CABP7: variants seen among roughly 807,000 people sequenced by gnomAD.
CABP7 encodes calcium-binding protein 7.
Under a neutral mutation model 23.1 loss-of-function variants are expected in CABP7, and 13 were observed. The ratio of observed to expected loss-of-function variants is 0.56; its 90% CI spans 0.37 to 0.90. CABP7 has a LOEUF of 0.90. Among genes scored for constraint, CABP7 ranks in the 40% least tolerant of loss-of-function variants. The pLI is 0.01. For missense variants in CABP7, 248 were observed against 295.6 expected (o/e 0.84, Z 1.18); for synonymous variants, 123 against 115.3 (o/e 1.07, Z -0.43).
Position 29,727,741 on chromosome 22 carries a change from C to A in CABP7, c.189C>A (p.Arg63=), listed in dbSNP as rs752368695. ...AGCAGGAGCTGGGCACAGCCATGCGCTCACTGGGTTACATGCCCAACGAGG... is the reference window on the plus strand; with the variant it reads ...AGCAGGAGCTGGGCACAGCCATGCGATCACTGGGTTACATGCCCAACGAGG... The part of the protein sequence containing the change: ...ISKQELGTAM[R]SLGYMPNEVE... Residue 63 remains arginine, a synonymous_variant, in exon 2 of 5, where the codon CGC becomes CGA. Transcript: ENST00000216144. This position sits in a 1 kb window ranked among gnomAD's most constrained non-coding sequence, Gnocchi z 4.2. The A allele has an allele frequency of 1.2e-6, 2 of 1,613,618 alleles. No homozygotes were observed. The highest frequency in any genetic ancestry group is 4.5e-5 in the East Asian group (2 of 44,870).
In CABP7 at chr22:29,720,517, G is replaced by A; in HGVS notation, c.93G>A (p.Pro31=). The change falls in exon 1 of 5, where the codon CCG becomes CCA. Residue 31 remains proline, a synonymous_variant. Coordinates refer to ENST00000216144, the MANE Select transcript of CABP7 (RefSeq NM_182527.3). The surrounding 1 kb of genome is among the most constrained non-coding windows in gnomAD (Gnocchi z 5.2). The part of the protein sequence containing the change: ...LLSEQRPVDI[P]EDELEEIREA... ...CGGAGCAGCGCCCGGTGGACATCCC[G>A]GAGGACGAGCTGGAGGGTGAGTGTC... 2 of 1,546,510 alleles carry A rather than the reference G, an allele frequency of 1.3e-6. No homozygotes were observed. The highest frequency in any genetic ancestry group is 1.7e-6 in the Non-Finnish European group (2 of 1,147,060).
rs2067813098 is a variant in CABP7 at position 29,728,635 on chromosome 22, G to A, written c.259G>A (p.Gly87Ser). Residue 87 changes from glycine to serine, a missense_variant, in exon 3 of 5, where the codon GGT becomes AGT. Gly to Ser is a moderately conservative substitution (Grantham distance 56). Coordinates refer to ENST00000216144, the MANE Select transcript of CABP7 (RefSeq NM_182527.3). ...TGGACCTGTGCCTCCACCAGGTGAT[G>A]GTCAAGTGGACTTTGAGGAGTTTGT... ...IIQRLDMDGDGQVDFEEFVTL... is the reference protein window; with the variant it reads ...IIQRLDMDGDSQVDFEEFVTL... 6.2e-7 allele frequency: 1 copy of A among 1,607,856 alleles called. No individual in the cohort carries two copies.
At position 29,731,667 on chromosome 22, in the gene CABP7, C is replaced by G; in HGVS notation, c.*2098C>G. The G allele has an allele frequency of 3.2e-6, 1 of 310,868 alleles. No individual in the cohort carries two copies. The highest frequency in any genetic ancestry group is 5.9e-6 in the Non-Finnish European group (1 of 169,718). The allele number at this position is 310,868 out of a possible 1,614,324, so 19.3% of individuals were successfully genotyped here. Reference sequence around the variant, plus strand: ...TCCACAGCAGAGAATGCCATGCGGCCTGTGTAAGAATTAAGGCAGATTTAT... The same window carrying G: ...TCCACAGCAGAGAATGCCATGCGGCGTGTGTAAGAATTAAGGCAGATTTAT... On this transcript the variant is annotated 3_prime_UTR_variant, in exon 5 of 5. Transcript: ENST00000216144.
rs139276243 is a variant in CABP7, at chr22:29,727,340, T to G, written c.110-322T>G. Among the ~76,000 whole-genome samples, 696 of 152,054 alleles carry G rather than the reference T, an allele frequency of 4.6e-3. 2 individuals are homozygous for G. The highest frequency in any genetic ancestry group is 0.016 in the African/African-American group (657 of 41,446). ...CCGCGGGGGCCGGGGAGATCCAGCA[T>G]CCTCCCCTGCACGTGGTCCCCACCA... On this transcript the variant is annotated intron_variant, in intron 1 of 4. Transcript: ENST00000216144. This position sits in a 1 kb window ranked among gnomAD's most constrained non-coding sequence, Gnocchi z 4.2.
chr22:29,729,578 TG>T lies in CABP7; in HGVS notation c.*11del. 1.9e-6 allele frequency: 3 copies of T among 1,608,164 alleles called. No individual in the cohort carries two copies. Among genetic ancestry groups the T allele is most frequent in the Non-Finnish European group, 2.5e-6 (3 of 1,179,756 alleles). The stretch of plus-strand genomic sequence containing the variant: ...GCAGTGGCATGAAGTAGACGCCACC[TG>T]GATGCCCCATCCACCGCATGCGGTG... On this transcript the variant is annotated 3_prime_UTR_variant, in exon 5 of 5. Transcript: ENST00000216144.
At position 29,731,004 on chromosome 22, in the gene CABP7, C is replaced by G. The variant is rs2067835919; in HGVS notation, c.*1435C>G. ...AACATTTGGAAGTTTTCTCCCCCAT[C>G]TTCTTAAGAAGCAGGGGGGCAGGTG... On this transcript the variant is annotated 3_prime_UTR_variant, in exon 5 of 5. Transcript: ENST00000216144. 9.4e-6 allele frequency: 4 copies of G among 426,996 alleles called. No individual in the cohort carries two copies. Among genetic ancestry groups the G allele is most frequent in the East Asian group, 3.6e-5 (1 of 27,636 alleles). The allele number at this position is 426,996 out of a possible 1,614,324, so 26.5% of individuals were successfully genotyped here.
chr22:29,727,634 G>A lies in CABP7; in HGVS notation c.110-28G>A, dbSNP rs376896063. 1 of 1,612,966 alleles carries A rather than the reference G, an allele frequency of 6.2e-7. No individual in the cohort carries two copies. Among genetic ancestry groups the A allele is most frequent in the African/African-American group, 1.3e-5 (1 of 74,904 alleles). On this transcript the variant is annotated intron_variant, in intron 1 of 4. Transcript: ENST00000216144. The surrounding 1 kb of genome is among the most constrained non-coding windows in gnomAD (Gnocchi z 4.2). ...GGGGTCTGTTGGGGACCGGGGTGAA[G>A]TCCCAGCCTACTCCATTCTCTCCTC...
At position 29,720,885 on chromosome 22, in the gene CABP7, C is replaced by T. The variant is rs991525026; in HGVS notation, c.109+352C>T. Among the ~76,000 whole-genome samples the T allele has an allele frequency of 1.3e-5, 2 of 151,688 alleles. No homozygotes were observed. On this transcript the variant is annotated intron_variant, in intron 1 of 4. Transcript: ENST00000216144. The surrounding 1 kb of genome is among the most constrained non-coding windows in gnomAD (Gnocchi z 5.2). The stretch of plus-strand genomic sequence containing the variant: ...CCGCGCTGAGCCCCCAGCGCCGGCC[C>T]GGCCGGAGCACCCGCATCCTGATCC...
In CABP7 at chr22:29,729,670, A is replaced by G; in HGVS notation, c.*101A>G. Reference sequence around the variant, plus strand: ...CCCTTGGCCGGCTCCCTGGGCCGCCATCTGCGTGTACTTCAGGGCCTGGGT... The same window carrying G: ...CCCTTGGCCGGCTCCCTGGGCCGCCGTCTGCGTGTACTTCAGGGCCTGGGT... On this transcript the variant is annotated 3_prime_UTR_variant, in exon 5 of 5. Transcript: ENST00000216144. The G allele has an allele frequency of 6.8e-7, 1 of 1,465,926 alleles. No homozygotes were observed. Among genetic ancestry groups the G allele is most frequent in the Non-Finnish European group, 9.2e-7 (1 of 1,081,376 alleles). The allele number at this position is 1,465,926 out of a possible 1,614,324, so 90.8% of individuals were successfully genotyped here.
chr22:29,728,932 A>G (rs748837681), intron 3 of CABP7, 123 bp from the exon 4 acceptor site: 1 of 1,301,104 alleles, frequency 7.7e-7, no homozygotes, highest in Non-Finnish European at 1.1e-6. Flanking sequence ...TCTCTGGGGG[A>G]ATGGAGCAAG....
At chr22:29,723,349 C>T (rs2067774957) in intron 1 of CABP7, among the ~76,000 whole-genome samples, 1 of 152,120 alleles carries the variant, frequency 6.6e-6, no homozygotes, top group African/African-American at 2.4e-5. Flanking sequence ...CACCCAGGCC[C>T]TGTGAGGGAC....
Position 29,731,520 on chromosome 22 carries a change from G to A in CABP7, c.*1951G>A, listed in dbSNP as rs1287119943. ...AAATAGGCAGACCGTTTGAGCCAGCGACCTCACCTCTAGGAACTGAGCCCA... is the reference window on the plus strand; with the variant it reads ...AAATAGGCAGACCGTTTGAGCCAGCAACCTCACCTCTAGGAACTGAGCCCA... On this transcript the variant is annotated 3_prime_UTR_variant, in exon 5 of 5. Coordinates refer to ENST00000216144, the MANE Select transcript of CABP7 (RefSeq NM_182527.3). The A allele has an allele frequency of 1.3e-5, 11 of 848,296 alleles. No homozygotes were observed. Among genetic ancestry groups the A allele is most frequent in the African/African-American group, 5.5e-5 (3 of 55,042 alleles). The allele number at this position is 848,296 out of a possible 1,614,324, so 52.5% of individuals were successfully genotyped here. A position where few individuals can be genotyped will look rare whatever the true frequency, so the allele number is the denominator to read the frequency against.
intron 1 of CABP7, among the ~76,000 whole-genome samples, chr22:29,723,028 T>G (rs1397094762): frequency 6.6e-6 from 1 of 152,150 alleles, no homozygotes; most frequent in East Asian, 1.9e-4. Flanking sequence ...TCTCTGAGCC[T>G]TGGTTTCCCC....
At position 29,728,857 on chromosome 22, in the gene CABP7, C is replaced by G. The variant is rs534399859; in HGVS notation, c.366+115C>G. 17 of 998,730 alleles carry G rather than the reference C, an allele frequency of 1.7e-5. No homozygotes were observed. In the Middle Eastern group the frequency reaches 1.3e-3, roughly 74 times the overall value. The allele number at this position is 998,730 out of a possible 1,614,324, so 61.9% of individuals were successfully genotyped here. On this transcript the variant is annotated intron_variant, in intron 3 of 4. Transcript: ENST00000216144. ...GGGGATGACCACTTCAGGCTTGTGT[C>G]CACTGGACATTTCACCTCTCAGAGG...
In CABP7 at chr22:29,729,612, C is replaced by T. The variant is rs1387336592; in HGVS notation, c.*43C>T. 1 of 1,597,946 alleles carries T rather than the reference C, an allele frequency of 6.3e-7. No homozygotes were observed. Among genetic ancestry groups the T allele is most frequent in the Non-Finnish European group, 8.5e-7 (1 of 1,177,034 alleles). On this transcript the variant is annotated 3_prime_UTR_variant, in exon 5 of 5. Coordinates refer to ENST00000216144, the MANE Select transcript of CABP7 (RefSeq NM_182527.3). ...CATCCACCGCATGCGGTGCCCGTGG[C>T]CCGCCCCACACCACCGCCGCCTGCA... is the stretch of plus-strand genomic sequence containing the variant.
At position 29,728,762 on chromosome 22, in the gene CABP7, G is replaced by T; in HGVS notation, c.366+20G>T. ...TGGAAGGTATCCCCTGGCTAGTTGG[G>T]ACCCAGGGCTGTGCACACTGTGGAG... On this transcript the variant is annotated intron_variant, in intron 3 of 4. Coordinates refer to ENST00000216144, the MANE Select transcript of CABP7 (RefSeq NM_182527.3). 6.5e-7 allele frequency: 1 copy of T among 1,534,244 alleles called. No homozygotes were observed. The highest frequency in any genetic ancestry group is 9.0e-7 in the Non-Finnish European group (1 of 1,107,908).
intron 2 of CABP7, among the ~76,000 whole-genome samples, chr22:29,728,215 C>T (rs771724406): frequency 1.3e-5 from 2 of 152,202 alleles, no homozygotes; most frequent in South Asian, 2.1e-4. Context: ...TTATCCCACC[C>T]GGGCCCTTCT....
At chr22:29,725,468 A>AGAGGCATAAAC (rs1402284378) in intron 1 of CABP7, among the ~76,000 whole-genome samples, 2 of 152,206 alleles carry the variant, frequency 1.3e-5, no homozygotes, top group African/African-American at 2.4e-5. Flanking sequence ...TTATGCTCGA[A>AGAGGCATAAAC]GAGGCAGGCC....
intron 1 of CABP7, among the ~76,000 whole-genome samples, chr22:29,723,098 G>C (rs1349533069): frequency 6.6e-6 from 1 of 152,204 alleles, no homozygotes. Context: ...TAGCACAGGG[G>C]GCTCAGGGAC....
Sources: gnomAD v4.1 joint callset for allele counts (sites outside exome capture counted in the v4.1 genomes callset) on GRCh38, gnomAD v4.1.1 for gene constraint, Gnocchi (gnomAD v3.1) non-coding constraint, MANE v1.5 for transcripts, NCBI Gene and HGNC (gene_info 2026-07-23, HGNC 2026-07-21) for gene names.